BTNL8: variants seen among roughly 807,000 people sequenced by gnomAD.
The protein encoded by BTNL8 is butyrophilin like 8.
Under a neutral mutation model 36.1 loss-of-function variants are expected in BTNL8, and 22 were observed. That is an observed-to-expected ratio of 0.61 (90% CI 0.44 to 0.87). The LOEUF (loss-of-function observed/expected upper bound fraction) is 0.87. BTNL8 is among the 40% of genes least tolerant of loss of function. The probability of loss-of-function intolerance (pLI) is 0.00; values close to 1 mark genes in which losing one functional copy is unlikely to be tolerated. For synonymous variants in BTNL8, 203 were observed against 235.6 expected (o/e 0.86, Z 1.27); for missense variants, 526 against 616.9 (o/e 0.85, Z 1.56).
chr5:180,944,073 A>G (rs980562261), intron 3 of BTNL8, among the ~76,000 whole-genome samples: 3 of 152,196 alleles, frequency 2.0e-5, no homozygotes, highest in Non-Finnish European at 4.4e-5. Context: ...CAGACACAGA[A>G]ATACAAATAT....
At position 180,911,414 on chromosome 5, in the gene BTNL8, G is replaced by T. The variant is rs761599158; in HGVS notation, c.473G>T (p.Gly158Val). The change falls in exon 3 of 8, where the codon GGC becomes GTC. Residue 158 changes from glycine to valine, a missense_variant. This residue lies in a region of BTNL8 where 350 missense variants were observed against 324.6 expected (regional missense o/e 1.08). Coordinates refer to ENST00000340184, the MANE Select transcript of BTNL8 (RefSeq NM_001040462.3). ...ATCCAGCTACTCTGTCAGTCCTCGG[G>T]CTGGTTCCCCCGGCCCACAGCGAAG... Reference protein sequence around the residue: ...RDIQLLCQSSGWFPRPTAKWK... With the variant: ...RDIQLLCQSSVWFPRPTAKWK... 8 of 1,614,104 alleles carry T rather than the reference G, an allele frequency of 5.0e-6. No homozygotes were observed. In the Admixed American group the frequency reaches 1.3e-4, roughly 27 times the overall value.
Position 180,950,640 on chromosome 5 carries a change from AG to A in BTNL8, c.*101del, listed in dbSNP as rs1370607957. The A allele has an allele frequency of 7.9e-7, 1 of 1,264,730 alleles. No homozygotes were observed. The highest frequency in any genetic ancestry group is 1.1e-6 in the Non-Finnish European group (1 of 913,718). 78.3% of individuals were successfully genotyped at this position (1,264,730 alleles called of 1,614,324 possible). A position where few individuals can be genotyped will look rare whatever the true frequency, so the allele number is the denominator to read the frequency against. ...GCCGGCCAAGGTGGCTTCCAGATGA[AG>A]GGGGACTGGCCTGTCCACATGGGAG... On this transcript the variant is annotated 3_prime_UTR_variant, in exon 8 of 8. Transcript: ENST00000340184.
intron 3 of BTNL8, among the ~76,000 whole-genome samples, chr5:180,946,069 C>T (rs983096619): frequency 5.9e-5 from 9 of 152,024 alleles, no homozygotes; most frequent in Admixed American, 3.3e-4. Context: ...ATTGTGGAAA[C>T]GCAAATTAAA....
At chr5:180,940,335 T>C (rs1758864967) in intron 3 of BTNL8, among the ~76,000 whole-genome samples, 1 of 136,978 alleles carries the variant, frequency 7.3e-6, no homozygotes, top group Non-Finnish European at 1.6e-5. Flanking sequence ...CAAGACTTCA[T>C]CTCAGAGGAA....
At chr5:180,910,279 C>T (rs923563179) in intron 2 of BTNL8, among the ~76,000 whole-genome samples, 3 of 151,690 alleles carry the variant, frequency 2.0e-5, no homozygotes, top group Non-Finnish European at 4.4e-5. Context: ...AAACTATAAA[C>T]ATGCCTTTCT....
At position 180,902,523 on chromosome 5, in the gene BTNL8, T is replaced by TTTTG. The variant is rs1554140832; in HGVS notation, c.49+3167_49+3168insGTTT. 4.2e-6 allele frequency: 4 copies of TTTTG among 962,076 alleles called. No homozygotes were observed. In the African/African-American group the frequency reaches 6.8e-5, roughly 16 times the overall value. The allele number at this position is 962,076 out of a possible 1,614,324, so 59.6% of individuals were successfully genotyped here. A position where few individuals can be genotyped will look rare whatever the true frequency, so the allele number is the denominator to read the frequency against. On this transcript the variant is annotated intron_variant, in intron 1 of 7. Coordinates refer to ENST00000340184, the MANE Select transcript of BTNL8 (RefSeq NM_001040462.3). ...GTAGGTCACACTATAAAGGGTTTTT[T>TTTTG]TTTTTGTTTTTGCTTTTATACTTTA...
intron 3 of BTNL8, among the ~76,000 whole-genome samples, chr5:180,942,263 T>C (rs1226243590): frequency 6.6e-6 from 1 of 152,054 alleles, no homozygotes; most frequent in Non-Finnish European, 1.5e-5. Flanking sequence ...CAATAAAAAC[T>C]ACAAAACATT....
chr5:180,921,120 A>G (rs1757844263), intron 3 of BTNL8, among the ~76,000 whole-genome samples: 1 of 152,110 alleles, frequency 6.6e-6, no homozygotes, highest in Non-Finnish European at 1.5e-5. Flanking sequence ...TGCAGTGTAC[A>G]AAATTATATA....
rs377605273 is a variant in BTNL8 at position 180,911,541 on chromosome 5, C to T, written c.600C>T (p.Asn200=). The T allele has an allele frequency of 3.5e-5, 56 of 1,612,874 alleles. No homozygotes were observed. The highest frequency in any genetic ancestry group is 1.0e-4 in the Admixed American group (6 of 59,934). The part of the protein sequence containing the change: ...DVEISLTVQE[N]AGSISCSMRH... ...AGATCTCTCTGACCGTCCAAGAGAA[C>T]GCCGGGAGCATATCCTGTTCCATGC... Residue 200 remains asparagine, a synonymous_variant, in exon 3 of 8, where the codon AAC becomes AAT. Transcript: ENST00000340184.
intron 1 of BTNL8, among the ~76,000 whole-genome samples, chr5:180,905,878 G>A (rs1757056106): frequency 1.3e-5 from 2 of 150,404 alleles, no homozygotes; most frequent in African/African-American, 2.5e-5. Flanking sequence ...TTGCACTGTG[G>A]TCTGAGAGAT....
At chr5:180,941,912 C>CTTTTTTTTTTTTTTTTTTTTTTTTTTTTT (rs1554145496) in intron 3 of BTNL8, among the ~76,000 whole-genome samples, 4 of 145,096 alleles carry the variant, frequency 2.8e-5, no homozygotes, top group Non-Finnish European at 3.0e-5. Flanking sequence ...TTTTACTACT[C>CTTTTTTTTTTTTTTTTTTTTTTTTTTTTT]TTATTCAACA....
intron 3 of BTNL8, among the ~76,000 whole-genome samples, chr5:180,920,439 T>A (rs2113804366): frequency 6.6e-6 from 1 of 152,038 alleles, no homozygotes; most frequent in South Asian, 2.1e-4. Context: ...CACACAAAAA[T>A]CAATTCAAAA....
At chr5:180,920,273 G>A (rs547274611) in intron 3 of BTNL8, among the ~76,000 whole-genome samples, 1 of 152,074 alleles carries the variant, frequency 6.6e-6, no homozygotes, top group Non-Finnish European at 1.5e-5. Context: ...ACAGAATTAA[G>A]AGCCAAGAAA....
At position 180,947,590 on chromosome 5, in the gene BTNL8, T is replaced by C. The variant is rs1392472213; in HGVS notation, c.752T>C (p.Ile251Thr). The C allele has an allele frequency of 1.1e-5, 18 of 1,614,204 alleles. 2 individuals are homozygous for C. In the South Asian group the frequency reaches 1.8e-4, roughly 16 times the overall value. ...CTCTGCTGTGGCCTATTTTTTGGCA[T>C]TGTTGGACTGAAGATTTTCTTCTCC... is the stretch of plus-strand genomic sequence containing the variant. The part of the protein sequence containing the change: ...GILCCGLFFG[I>T]VGLKIFFSKF... The change falls in exon 4 of 8, where the codon ATT becomes ACT. Residue 251 changes from isoleucine to threonine, a missense_variant. By Grantham distance (89) the Ile-to-Thr change is moderately conservative (BLOSUM62 -1). Around this residue, in one of 2 missense-constraint regions of BTNL8, gnomAD observed 350 missense variants for 324.6 expected, o/e 1.08. Coordinates refer to ENST00000340184, the MANE Select transcript of BTNL8 (RefSeq NM_001040462.3).
intron 3 of BTNL8, among the ~76,000 whole-genome samples, chr5:180,932,432 C>T (rs779035944): frequency 4.3e-4 from 66 of 152,256 alleles, no homozygotes; most frequent in Non-Finnish European, 7.8e-4. Context: ...CTGCAAGCTC[C>T]CCCTCCCGGG....
chr5:180,910,520 G>A (rs1379908807), intron 2 of BTNL8, among the ~76,000 whole-genome samples: 3 of 152,138 alleles, frequency 2.0e-5, no homozygotes, highest in Admixed American at 6.6e-5. Flanking sequence ...TGGCATTATC[G>A]ATCAGCCCAA....
chr5:180,904,853 G>T (rs1287450971), intron 1 of BTNL8, among the ~76,000 whole-genome samples: 1 of 152,014 alleles, frequency 6.6e-6, no homozygotes, highest in Non-Finnish European at 1.5e-5. Context: ...TATTGAACCA[G>T]CCTTGCATCC....
chr5:180,942,174 GA>G (rs1349066250), intron 3 of BTNL8, among the ~76,000 whole-genome samples: 3 of 152,036 alleles, frequency 2.0e-5, no homozygotes, highest in Admixed American at 6.5e-5. Context: ...AAAGAATCAA[GA>G]AAGCAGTATC....
intron 1 of BTNL8, among the ~76,000 whole-genome samples, chr5:180,905,788 A>G (rs1757050850): frequency 6.7e-6 from 1 of 150,148 alleles, no homozygotes; most frequent in African/African-American, 2.5e-5. Flanking sequence ...TTATGTACCC[A>G]GTAGTCATTC....
Sources: gnomAD v4.1 joint callset for allele counts (sites outside exome capture counted in the v4.1 genomes callset) on GRCh38, gnomAD v4.1.1 for gene constraint, gnomAD v4.1.1 regional missense constraint, MANE v1.5 for transcripts, NCBI Gene and HGNC (gene_info 2026-07-23, HGNC 2026-07-21) for gene names.